Variants in ENTREP2 observed in about 807,000 individuals in gnomAD.
The protein encoded by ENTREP2 is protein ENTREP2.
the ENTREP2 span, among the ~76,000 whole-genome samples, chr15:29,248,436 C>T: frequency 6.6e-6 from 1 of 151,622 alleles, no homozygotes; most frequent in Non-Finnish European, 1.5e-5. Context: ...ATATATTTGC[C>T]CAATATAAGT....
chr15:29,628,155 T>C, the ENTREP2 span, among the ~76,000 whole-genome samples: 1 of 152,264 alleles, frequency 6.6e-6, no homozygotes, highest in Non-Finnish European at 1.5e-5. Flanking sequence ...CATTTTCAAT[T>C]TGGGAGGATA....
the ENTREP2 span, among the ~76,000 whole-genome samples, chr15:29,287,194 C>T: frequency 6.6e-6 from 1 of 152,146 alleles, no homozygotes. Flanking sequence ...TGGTTTCTTT[C>T]AGGCACTATC....
the ENTREP2 span, among the ~76,000 whole-genome samples, chr15:29,482,118 C>T: frequency 2.0e-5 from 3 of 152,126 alleles, no homozygotes; most frequent in East Asian, 5.8e-4. Context: ...CTGCCTCAGC[C>T]TCCCAAGTAG....
At chr15:29,231,287 A>G in the ENTREP2 span, among the ~76,000 whole-genome samples, 20 of 152,292 alleles carry the variant, frequency 1.3e-4, no homozygotes, top group Middle Eastern at 6.8e-3. Context: ...CTCTACTTAC[A>G]TGATTAAAAT....
the ENTREP2 span, among the ~76,000 whole-genome samples, chr15:29,391,166 C>T: frequency 1.3e-5 from 2 of 151,938 alleles, no homozygotes; most frequent in Non-Finnish European, 2.9e-5. Flanking sequence ...CAGGCCTCTA[C>T]CATCTGTCTC....
At chr15:29,345,539 C>A in the ENTREP2 span, among the ~76,000 whole-genome samples, 1 of 152,110 alleles carries the variant, frequency 6.6e-6, no homozygotes, top group Non-Finnish European at 1.5e-5. Flanking sequence ...GTTGATGCCC[C>A]CAGAGGAAAC....
chr15:29,648,935 TA>T, the ENTREP2 span, among the ~76,000 whole-genome samples: 64 of 137,144 alleles, frequency 4.7e-4, no homozygotes, highest in East Asian at 1.9e-3. Context: ...GCGAAAACTC[TA>T]AAAAAAAAAA....
At chr15:29,300,833 G>A in the ENTREP2 span, among the ~76,000 whole-genome samples, 2 of 152,136 alleles carry the variant, frequency 1.3e-5, no homozygotes, top group African/African-American at 4.8e-5. Context: ...TCTTGACCTC[G>A]TGATCTGCCT....
the ENTREP2 span, among the ~76,000 whole-genome samples, chr15:29,158,868 A>T: frequency 6.6e-6 from 1 of 152,212 alleles, no homozygotes; most frequent in Non-Finnish European, 1.5e-5. Flanking sequence ...CAAGAGAAAA[A>T]AGTTTTAGAT....
chr15:29,654,723 TA>T, the ENTREP2 span, among the ~76,000 whole-genome samples: 1 of 151,930 alleles, frequency 6.6e-6, no homozygotes, highest in African/African-American at 2.4e-5. Context: ...CACTCTAGGC[TA>T]AAAAAAATTA....
At chr15:29,320,375 A>C in the ENTREP2 span, among the ~76,000 whole-genome samples, 70 of 152,342 alleles carry the variant, frequency 4.6e-4, no homozygotes, top group African/African-American at 1.6e-3. Flanking sequence ...AGCTACAGCA[A>C]ATATTAAGAG....
the ENTREP2 span, chr15:29,124,662 G>A: frequency 6.5e-7 from 1 of 1,547,500 alleles, no homozygotes; most frequent in African/African-American, 1.4e-5. Flanking sequence ...CGCAGTCAAA[G>A]CGCTTTAGAA....
At chr15:29,447,600 G>C in the ENTREP2 span, among the ~76,000 whole-genome samples, 1 of 151,090 alleles carries the variant, frequency 6.6e-6, no homozygotes, top group Non-Finnish European at 1.5e-5. Flanking sequence ...GAGTAGCTGG[G>C]ACTACAGGTG....
chr15:29,518,231 A>C, the ENTREP2 span, among the ~76,000 whole-genome samples: 1 of 152,062 alleles, frequency 6.6e-6, no homozygotes, highest in Non-Finnish European at 1.5e-5. Context: ...AAAACAAAAA[A>C]ACTACTCTCT....
the ENTREP2 span, among the ~76,000 whole-genome samples, chr15:29,339,909 C>T: frequency 6.6e-6 from 1 of 152,246 alleles, no homozygotes; most frequent in Non-Finnish European, 1.5e-5. Context: ...GCCATCCCTC[C>T]GCCTTCAGAT....
At chr15:29,191,078 G>A in the ENTREP2 span, among the ~76,000 whole-genome samples, 4 of 152,054 alleles carry the variant, frequency 2.6e-5, no homozygotes, top group East Asian at 1.9e-4. Context: ...AAGCAACACC[G>A]GATCCCTGCA....
chr15:29,624,787 T>C, the ENTREP2 span, among the ~76,000 whole-genome samples: 1,511 of 152,096 alleles, frequency 9.9e-3, 25 homozygotes, highest in African/African-American at 0.035. Flanking sequence ...TATTGCAACA[T>C]GAGAGCCAAG....
the ENTREP2 span, among the ~76,000 whole-genome samples, chr15:29,660,447 G>A: frequency 1.3e-5 from 2 of 151,998 alleles, no homozygotes; most frequent in Admixed American, 6.6e-5. Flanking sequence ...CTTTGACTTC[G>A]CAGCCTCCAG....
At chr15:29,633,561 AG>A in the ENTREP2 span, among the ~76,000 whole-genome samples, 2 of 152,074 alleles carry the variant, frequency 1.3e-5, no homozygotes, top group Non-Finnish European at 1.5e-5. Flanking sequence ...CAAAAATAGA[AG>A]GGTGGGGAGG....
Sources: allele counts gnomAD v4.1 joint callset (sites outside exome capture counted in the v4.1 genomes callset), GRCh38; gene constraint gnomAD v4.1.1; transcripts MANE v1.5; gene names NCBI Gene and HGNC (gene_info 2026-07-23, HGNC 2026-07-21).